Variants in PRICKLE4 observed in about 807,000 individuals in gnomAD.
PRICKLE4 encodes prickle planar cell polarity protein 4.
In PRICKLE4, 40 loss-of-function variants were observed where a neutral mutation model predicts 43.5. The ratio of observed to expected loss-of-function variants is 0.92; its 90% CI spans 0.71 to 1.20. PRICKLE4 has a LOEUF of 1.20. Among genes scored for constraint, PRICKLE4 ranks in the 50% most tolerant of loss-of-function variants. The pLI is 0.00. For missense variants in PRICKLE4, 527 were observed against 491.2 expected (o/e 1.07, Z -0.69); for synonymous variants, 208 against 197.4 (o/e 1.05, Z -0.45).
chr6:41,784,880 G>C (rs1772613492), intron 4 of PRICKLE4, 55 bp from the exon 5 acceptor site: 2 of 1,606,700 alleles, frequency 1.2e-6, no homozygotes, highest in African/African-American at 2.7e-5. Context: ...TCCAACCAAT[G>C]CTCAATGTTT....
chr6:41,784,928 T>C lies in PRICKLE4; in HGVS notation c.241-7T>C. On this transcript the variant is annotated splice_region_variant and splice_polypyrimidine_tract_variant and intron_variant, in intron 4 of 7. Coordinates refer to ENST00000458694, the MANE Select transcript of PRICKLE4 (RefSeq NM_013397.6). ...CTCCCAGTAATTGTAGAGGACTGTT[T>C]CTGCAGGAGCGCTACTGCCTGGCCC... 1 of 1,613,688 alleles carries C rather than the reference T, an allele frequency of 6.2e-7. No individual in the cohort carries two copies. The highest frequency in any genetic ancestry group is 8.5e-7 in the Non-Finnish European group (1 of 1,179,908).
intron 7 of PRICKLE4, 27 bp from the exon 8 acceptor site, chr6:41,786,735 C>T (rs2127307834): frequency 6.2e-7 from 1 of 1,612,576 alleles, no homozygotes; most frequent in Non-Finnish European, 8.5e-7. Flanking sequence ...GCTCTGAGAC[C>T]AGCGTTTCCG....
In PRICKLE4 at chr6:41,786,979, G is replaced by A. The variant is rs754406058; in HGVS notation, c.1005G>A (p.Lys335=). 23 of 1,614,036 alleles carry A rather than the reference G, an allele frequency of 1.4e-5. No homozygotes were observed. Among genetic ancestry groups the A allele is most frequent in the Middle Eastern group, 3.3e-4 (2 of 6,062 alleles). The change falls in exon 8 of 8, where the codon AAG becomes AAA. Residue 335 remains lysine (K), a synonymous_variant. Transcript: ENST00000458694. ...GCCTGGAGACTATTCGTGATCCCAA[G>A]GACACCCCTTTCTCCACCTGCTCCT... ...QCRLETIRDP[K]DTPFSTCSSS...
intron 3 of PRICKLE4, 154 bp downstream of exon 3, chr6:41,783,759 G>C: frequency 9.3e-7 from 1 of 1,078,088 alleles, no homozygotes; most frequent in Non-Finnish European, 1.4e-6. Flanking sequence ...CACCTGCTTA[G>C]AACATGGGGT....
chr6:41,786,134 T>G lies in PRICKLE4; in HGVS notation c.589T>G (p.Phe197Val). The G allele has an allele frequency of 6.2e-7, 1 of 1,613,390 alleles. No individual in the cohort carries two copies. The highest frequency in any genetic ancestry group is 8.5e-7 in the Non-Finnish European group (1 of 1,179,610). Residue 197 changes from phenylalanine to valine, a missense_variant, in exon 7 of 8, where the codon TTC becomes GTC. By Grantham distance (50) the Phe-to-Val change is conservative. Coordinates refer to ENST00000458694, the MANE Select transcript of PRICKLE4 (RefSeq NM_013397.6). Reference protein sequence around the residue: ...PRCPACDQLIFSWRCTEAEGQ... With the variant: ...PRCPACDQLIVSWRCTEAEGQ... ...CTCCCTCTCCCTCTCCCAGCTGATC[T>G]TCTCCTGGCGCTGCACCGAGGCGGA...
At chr6:41,786,609 C>T in intron 7 of PRICKLE4, 153 bp from the exon 8 acceptor site, 4 of 1,304,016 alleles carry the variant, frequency 3.1e-6, no homozygotes, top group Non-Finnish European at 4.2e-6. Flanking sequence ...CTGGTGGAGG[C>T]GGGGGACCCT....
In PRICKLE4 at chr6:41,781,402, C is replaced by G. The variant is rs1254591984; in HGVS notation, c.-131C>G. 6.5e-6 allele frequency: 1 copy of G among 153,376 alleles called. No individual in the cohort carries two copies. 9.5% of individuals were successfully genotyped at this position (153,376 alleles called of 1,614,324 possible). ...CCTCCTGGGGCCCCAGACGCCCCCT[C>G]CTTTCTTGCTGCCTGGAGCAGGGGC... On this transcript the variant is annotated 5_prime_UTR_variant, in exon 2 of 8. Transcript: ENST00000458694.
chr6:41,786,895 CCAG>C lies in PRICKLE4; in HGVS notation c.925_927del (p.Gln309del), dbSNP rs1478220474. The C allele has an allele frequency of 1.2e-6, 2 of 1,611,480 alleles. No homozygotes were observed. The highest frequency in any genetic ancestry group is 3.3e-5 in the Admixed American group (2 of 59,870). On this transcript the variant is annotated inframe_deletion, in exon 8 of 8. Transcript: ENST00000458694. ...AGAGGGGGCTGCCTGGATCCAGTCC[CCAG>C]CAGGAGAACCGACCTGGGGACAAAG...
chr6:41,784,030 C>T (rs1772597482), intron 3 of PRICKLE4, 101 bp from the exon 4 acceptor site: 2 of 856,866 alleles, frequency 2.3e-6, no homozygotes, highest in African/African-American at 1.7e-5. Context: ...TGCTTAGAAG[C>T]TGCTCTAGAT....
intron 2 of PRICKLE4, among the ~76,000 whole-genome samples, chr6:41,782,493 C>A (rs1772570003): frequency 6.8e-6 from 1 of 147,970 alleles, no homozygotes; most frequent in Non-Finnish European, 1.5e-5. Flanking sequence ...GGGTTCACAC[C>A]ATTCTCCTGC....
At position 41,785,058 on chromosome 6, in the gene PRICKLE4, C is replaced by T. The variant is rs1404081547; in HGVS notation, c.364C>T (p.His122Tyr). ...ARLVLPKLEGHTCEKCRELLK... is the reference protein window; with the variant it reads ...ARLVLPKLEGYTCEKCRELLK... The stretch of plus-strand genomic sequence containing the variant: ...CCTGGTACTTCCCAAGCTTGAAGGA[C>T]ACACCTGTGAGAAGGTATGTAGCAC... The change falls in exon 5 of 8, where the codon CAC (histidine) becomes TAC (tyrosine). Residue 122 changes from histidine to tyrosine, a missense_variant. By Grantham distance (83) the His-to-Tyr change is moderately conservative. Transcript: ENST00000458694. 6.2e-7 allele frequency: 1 copy of T among 1,613,610 alleles called. No homozygotes were observed. Among genetic ancestry groups the T allele is most frequent in the Admixed American group, 1.7e-5 (1 of 59,864 alleles).
intron 7 of PRICKLE4, 35 bp from the exon 8 acceptor site, chr6:41,786,725 GCT>G (rs777875203): frequency 6.2e-7 from 1 of 1,612,092 alleles, no homozygotes; most frequent in Non-Finnish European, 8.5e-7. Context: ...CAGCTCCGCG[GCT>G]CTGAGACCAG....
At chr6:41,784,856 C>T (rs1040789908) in intron 4 of PRICKLE4, 79 bp from the exon 5 acceptor site, 43 of 1,572,438 alleles carry the variant, frequency 2.7e-5, no homozygotes, top group Non-Finnish European at 3.6e-5. Context: ...ACCCAGCAGC[C>T]AAGCCCTTTT....
At position 41,786,348 on chromosome 6, in the gene PRICKLE4, C is replaced by T; in HGVS notation, c.787+16C>T. The T allele has an allele frequency of 6.5e-7, 1 of 1,548,208 alleles. No individual in the cohort carries two copies. The highest frequency in any genetic ancestry group is 8.7e-7 in the Non-Finnish European group (1 of 1,149,320). ...GCATTCCTTGGTAAGGGAGAGGATG[C>T]AGAGCAAAGCGGGAGGGAGCTTGGG... On this transcript the variant is annotated intron_variant, in intron 7 of 7. Coordinates refer to ENST00000458694, the MANE Select transcript of PRICKLE4 (RefSeq NM_013397.6).
In PRICKLE4 at chr6:41,786,190, T is replaced by C. The variant is rs764701181; in HGVS notation, c.645T>C (p.Cys215=). ...EGQRWHENHF[C]CQDCAGPLGG... Reference sequence around the variant, plus strand: ...AGCGCTGGCATGAGAACCACTTCTGTTGCCAGGACTGCGCCGGGCCTCTGG... The same window carrying C: ...AGCGCTGGCATGAGAACCACTTCTGCTGCCAGGACTGCGCCGGGCCTCTGG... Residue 215 remains cysteine (C), a synonymous_variant, in exon 7 of 8, where the codon TGT becomes TGC. Coordinates refer to ENST00000458694, the MANE Select transcript of PRICKLE4 (RefSeq NM_013397.6). The C allele has an allele frequency of 2.4e-5, 39 of 1,611,882 alleles. No individual in the cohort carries two copies. Among genetic ancestry groups the C allele is most frequent in the Non-Finnish European group, 3.1e-5 (37 of 1,178,586 alleles).
At chr6:41,787,451 G>GAC in exon 8 of PRICKLE4, 1 of 624,710 alleles carries the variant, frequency 1.6e-6, no homozygotes, top group Non-Finnish European at 2.7e-6. Flanking sequence ...CAGCACGCGT[G>GAC]ACAGTTACCG....
At chr6:41,784,529 G>A (rs1286664395) in intron 4 of PRICKLE4, among the ~76,000 whole-genome samples, 2 of 152,208 alleles carry the variant, frequency 1.3e-5, no homozygotes, top group African/African-American at 4.8e-5. Context: ...AGAGAGTATG[G>A]TTGTTACGTA....
Position 41,784,228 on chromosome 6 carries a change from A to G in PRICKLE4, c.230A>G (p.Gln77Arg). The change falls in exon 4 of 8, where the codon CAG becomes CGG. Residue 77 changes from glutamine to arginine, a missense_variant. Gln to Arg is a conservative substitution (Grantham distance 43). Transcript: ENST00000458694. Reference sequence around the variant, plus strand: ...ACCCTCCTGCAGCAACTCCCTCCGCAGGACATTGATGTGGGTCTCCTCTCC... The same window carrying G: ...ACCCTCCTGCAGCAACTCCCTCCGCGGGACATTGATGTGGGTCTCCTCTCC... ...LQTLLQQLPPQDIDERYCLAL... is the reference protein window; with the variant it reads ...LQTLLQQLPPRDIDERYCLAL... 2.5e-6 allele frequency: 4 copies of G among 1,610,202 alleles called. No homozygotes were observed.
chr6:41,780,959 A>T lies in PRICKLE4; in HGVS notation c.-184+133A>T, dbSNP rs566903166. 2.3e-3 allele frequency: 385 copies of T among 164,338 alleles called. 3 individuals carry two copies. Among genetic ancestry groups the T allele is most frequent in the African/African-American group, 8.7e-3 (360 of 41,606 alleles). 10.2% of individuals were successfully genotyped at this position (164,338 alleles called of 1,614,324 possible). A position where few individuals can be genotyped will look rare whatever the true frequency, so the allele number is the denominator to read the frequency against. On this transcript the variant is annotated intron_variant, in intron 1 of 7. Coordinates refer to ENST00000458694, the MANE Select transcript of PRICKLE4 (RefSeq NM_013397.6). ...GCCAAGTTCCAGAAAAACTCTGGGG[A>T]TCTATCGAGAGGGCAGTTGGCGGGA...
Sources: gnomAD v4.1 joint callset for allele counts (sites outside exome capture counted in the v4.1 genomes callset) on GRCh38, gnomAD v4.1.1 for gene constraint, MANE v1.5 for transcripts, NCBI Gene and HGNC (gene_info 2026-07-23, HGNC 2026-07-21) for gene names.